UBE2W: variants seen among roughly 807,000 people sequenced by gnomAD.
UBE2W encodes ubiquitin conjugating enzyme E2 W.
In UBE2W, 18 loss-of-function variants were observed where a neutral mutation model predicts 27.2. The observed-to-expected ratio is 0.66, with a 90% confidence interval of 0.46 to 0.98. The LOEUF (loss-of-function observed/expected upper bound fraction) is 0.98, where lower values mean the gene tolerates loss of function less well. Ranked by LOEUF, UBE2W falls within the 50% of genes least tolerant of loss-of-function variation. The probability of loss-of-function intolerance (pLI) is 0.00; values close to 1 mark genes in which losing one functional copy is unlikely to be tolerated. For missense variants in UBE2W, 90 were observed against 180.2 expected (o/e 0.50, Z 2.87); for synonymous variants, 53 against 57.2 (o/e 0.93, Z 0.33).
Position 73,790,459 on chromosome 8 carries a change from A to C in UBE2W, c.*3643T>G. On this transcript the variant is annotated 3_prime_UTR_variant, in exon 6 of 6. Transcript: ENST00000602593. ...GATAATGAATCCTCAGAAAAGAAGA[A>C]TATGGTTAAGCTTCAGTTCTTTTTG... is the stretch of plus-strand genomic sequence containing the variant. 2 of 985,186 alleles carry C rather than the reference A, an allele frequency of 2.0e-6. No individual in the cohort carries two copies. Among genetic ancestry groups the C allele is most frequent in the Non-Finnish European group, 2.4e-6 (2 of 829,706 alleles). The allele number at this position is 985,186 out of a possible 1,614,324, so 61.0% of individuals were successfully genotyped here.
chr8:73,794,994 C>G (rs1048376951), intron 5 of UBE2W, among the ~76,000 whole-genome samples: 1 of 151,418 alleles, frequency 6.6e-6, no homozygotes, highest in African/African-American at 2.4e-5. Context: ...ATATGTAACA[C>G]AGACAACTTT....
At chr8:73,797,509 G>C (rs1407769548) in intron 5 of UBE2W, among the ~76,000 whole-genome samples, 1 of 152,156 alleles carries the variant, frequency 6.6e-6, no homozygotes, top group East Asian at 1.9e-4. Context: ...TTTGGACTCA[G>C]GAATTTAGTA....
intron 1 of UBE2W, among the ~76,000 whole-genome samples, chr8:73,874,190 G>C (rs564578434): frequency 1.3e-5 from 2 of 152,324 alleles, no homozygotes; most frequent in South Asian, 4.1e-4. Context: ...CCAGCACTTT[G>C]GGAGGCCGAG....
In UBE2W at chr8:73,787,492, T is replaced by C. The variant is rs1456837271; in HGVS notation, c.*6610A>G. On this transcript the variant is annotated 3_prime_UTR_variant, in exon 6 of 6. Coordinates refer to ENST00000602593, the MANE Select transcript of UBE2W (RefSeq NM_018299.6). ...ATATTTATCTAACCATCTACTAACA[T>C]AGTTGTGTAGGACGGCAGGAACAGC... The C allele has an allele frequency of 2.0e-6, 2 of 985,386 alleles. No individual in the cohort carries two copies. Among genetic ancestry groups the C allele is most frequent in the Non-Finnish European group, 1.2e-6 (1 of 829,920 alleles). 61.0% of individuals were successfully genotyped at this position (985,386 alleles called of 1,614,324 possible).
At chr8:73,843,294 A>C (rs1180519064) in intron 1 of UBE2W, among the ~76,000 whole-genome samples, 1 of 152,156 alleles carries the variant, frequency 6.6e-6, no homozygotes, top group African/African-American at 2.4e-5. Flanking sequence ...TAAATTATCG[A>C]GTGTAGAAAT....
chr8:73,845,755 AAGAT>A (rs1449283102), intron 1 of UBE2W, among the ~76,000 whole-genome samples: 1 of 152,184 alleles, frequency 6.6e-6, no homozygotes, highest in Non-Finnish European at 1.5e-5. Flanking sequence ...CCATACACAA[AAGAT>A]AGATTAGCTA....
Position 73,853,048 on chromosome 8 carries a change from T to C in UBE2W, c.16-22576A>G, listed in dbSNP as rs186053338. On this transcript the variant is annotated intron_variant, in intron 1 of 5. Transcript: ENST00000602593. Reference sequence around the variant, plus strand: ...AGAGGTGGAGCCTTTGCGAGGTAACTAGATCATAAGGGTGGAAAACTGGTG... The same window carrying C: ...AGAGGTGGAGCCTTTGCGAGGTAACCAGATCATAAGGGTGGAAAACTGGTG... Among the ~76,000 whole-genome samples the C allele has an allele frequency of 3.9e-5, 6 of 152,288 alleles. No homozygotes were observed. The East Asian group carries it at 1.2e-3, about 29-fold the overall frequency.
At chr8:73,841,279 A>G (rs1810524137) in intron 1 of UBE2W, among the ~76,000 whole-genome samples, 2 of 152,192 alleles carry the variant, frequency 1.3e-5, no homozygotes, top group Non-Finnish European at 2.9e-5. Flanking sequence ...GAGGCAATGT[A>G]TTAAATTTAC....
At chr8:73,871,777 C>G (rs1245065577) in intron 1 of UBE2W, among the ~76,000 whole-genome samples, 1 of 152,266 alleles carries the variant, frequency 6.6e-6, no homozygotes, top group East Asian at 1.9e-4. Flanking sequence ...CTAAGGAGAA[C>G]TATATTTTCA....
chr8:73,828,977 A>G (rs1018123212), intron 2 of UBE2W, among the ~76,000 whole-genome samples: 2 of 152,142 alleles, frequency 1.3e-5, no homozygotes, highest in Admixed American at 1.3e-4. Context: ...CTGATTCTTT[A>G]TAAGACTATT....
chr8:73,825,077 C>T, intron 3 of UBE2W, 70 bp downstream of exon 3: 1 of 918,544 alleles, frequency 1.1e-6, no homozygotes. Flanking sequence ...TATGTTTTTA[C>T]TGAGTCAAAC....
At chr8:73,803,014 T>G (rs1314247147) in intron 5 of UBE2W, among the ~76,000 whole-genome samples, 1 of 147,626 alleles carries the variant, frequency 6.8e-6, no homozygotes, top group Non-Finnish European at 1.5e-5. Flanking sequence ...ACAGCAAGAC[T>G]CCGTCTCAAA....
Position 73,788,892 on chromosome 8 carries a change from A to T in UBE2W, c.*5210T>A. The T allele has an allele frequency of 2.0e-6, 2 of 985,386 alleles. No individual in the cohort carries two copies. The highest frequency in any genetic ancestry group is 2.4e-6 in the Non-Finnish European group (2 of 829,912). The allele number at this position is 985,386 out of a possible 1,614,324, so 61.0% of individuals were successfully genotyped here. On this transcript the variant is annotated 3_prime_UTR_variant, in exon 6 of 6. Transcript: ENST00000602593. ...AAAACTGGAGTTCTTGAGGTATGTT[A>T]AGATAGATCAGCTTCTATTCAGGCA... is the stretch of plus-strand genomic sequence containing the variant.
intron 1 of UBE2W, among the ~76,000 whole-genome samples, chr8:73,862,935 C>T (rs1434361648): frequency 1.5e-5 from 2 of 137,348 alleles, no homozygotes; most frequent in Non-Finnish European, 3.1e-5. Context: ...ACAACAGGTG[C>T]TGGAGAGGAT....
At chr8:73,822,838 TAAGAA>T (rs755544411) in intron 3 of UBE2W, among the ~76,000 whole-genome samples, 3 of 151,858 alleles carry the variant, frequency 2.0e-5, no homozygotes, top group Non-Finnish European at 4.4e-5. Flanking sequence ...GCACTGACAT[TAAGAA>T]AAGAATGGGC....
intron 4 of UBE2W, among the ~76,000 whole-genome samples, chr8:73,808,080 G>A (rs1356942796): frequency 6.6e-6 from 1 of 152,038 alleles, no homozygotes; most frequent in Non-Finnish European, 1.5e-5. Flanking sequence ...AAGGAAATTG[G>A]AATAGAAGAA....
chr8:73,867,785 CAAGAA>C (rs1348376951), intron 1 of UBE2W, among the ~76,000 whole-genome samples: 2 of 151,044 alleles, frequency 1.3e-5, no homozygotes, highest in Admixed American at 1.3e-4. Flanking sequence ...CCAATATGCA[CAAGAA>C]AAGACACTTA....
At chr8:73,863,271 CT>C (rs1395867523) in intron 1 of UBE2W, among the ~76,000 whole-genome samples, 28 of 144,114 alleles carry the variant, frequency 1.9e-4, no homozygotes, top group African/African-American at 6.5e-4. Flanking sequence ...AGTTCATGTC[CT>C]TTGTAGGGAC....
In UBE2W at chr8:73,793,885, A is replaced by G; in HGVS notation, c.*217T>C. 7.3e-7 allele frequency: 1 copy of G among 1,360,676 alleles called. No individual in the cohort carries two copies. The highest frequency in any genetic ancestry group is 9.5e-7 in the Non-Finnish European group (1 of 1,051,686). 84.3% of individuals were successfully genotyped at this position (1,360,676 alleles called of 1,614,324 possible). A position where few individuals can be genotyped will look rare whatever the true frequency, so the allele number is the denominator to read the frequency against. On this transcript the variant is annotated 3_prime_UTR_variant, in exon 6 of 6. Coordinates refer to ENST00000602593, the MANE Select transcript of UBE2W (RefSeq NM_018299.6). ...TTTGACATTTCCTGACACCTGCATT[A>G]ATACTGTATGACTAATAAAAGCATG...
Sources: gnomAD v4.1 joint callset for allele counts (sites outside exome capture counted in the v4.1 genomes callset) on GRCh38, gnomAD v4.1.1 for gene constraint, MANE v1.5 for transcripts, NCBI Gene and HGNC (gene_info 2026-07-23, HGNC 2026-07-21) for gene names.